AMPH: variants seen among roughly 807,000 people sequenced by gnomAD.
AMPH encodes the protein amphiphysin.
A neutral mutation model predicts 99.1 loss-of-function variants in AMPH; 49 were observed. The ratio of observed to expected loss-of-function variants is 0.49; its 90% CI spans 0.39 to 0.63. AMPH has a LOEUF of 0.63. Among genes scored for constraint, AMPH ranks in the 20% least tolerant of loss-of-function variants. AMPH has a pLI of 0.00. For missense variants in AMPH, 759 were observed against 863.4 expected (o/e 0.88, Z 1.52); for synonymous variants, 314 against 317.3 (o/e 0.99, Z 0.11).
chr7:38,445,010 T>TATATATATATATATATATATACACACAC lies in AMPH; in HGVS notation c.1018-8623_1018-8622insGTGTGTGTATATATATATATATATATAT, dbSNP rs1458295332. On this transcript the variant is annotated intron_variant, in intron 11 of 20. Coordinates refer to ENST00000356264, the MANE Select transcript of AMPH (RefSeq NM_001635.4). Reference sequence around the variant, plus strand: ...ATATACATATATATATATATATATATACACACACACACACGGTATATACAT... The same window carrying TATATATATATATATATATATACACACAC: ...ATATACATATATATATATATATATATATATATATATATATATATATACACACACACACACACACACACGGTATATACAT... Among the ~76,000 whole-genome samples the TATATATATATATATATATATACACACAC allele has an allele frequency of 1.2e-3, 154 of 125,858 alleles. 1 individual carries two copies. The East Asian group carries it at 0.019, about 16-fold the overall frequency. The allele number at this position is 125,858 out of a possible 152,430, so 82.6% of individuals were successfully genotyped here.
chr7:38,628,502 C>T (rs1794336055), intron 1 of AMPH, among the ~76,000 whole-genome samples: 1 of 152,090 alleles, frequency 6.6e-6, no homozygotes, highest in Non-Finnish European at 1.5e-5. Context: ...AATGAATATT[C>T]AAAAGATAAG....
In AMPH at chr7:38,434,611, C is replaced by T. The variant is rs573644736; in HGVS notation, c.1134+1661G>A. On this transcript the variant is annotated intron_variant, in intron 12 of 20. Coordinates refer to ENST00000356264, the MANE Select transcript of AMPH (RefSeq NM_001635.4). ...AAAATTAGCCAGTCGTGGTGGCAGGCGCCTGTAGTCCCAACTACTCGGGAG... is the reference window on the plus strand; with the variant it reads ...AAAATTAGCCAGTCGTGGTGGCAGGTGCCTGTAGTCCCAACTACTCGGGAG... Among the ~76,000 whole-genome samples the T allele has an allele frequency of 1.2e-4, 18 of 152,088 alleles. No individual in the cohort carries two copies. The East Asian group carries it at 2.5e-3, about 21-fold the overall frequency.
chr7:38,557,682 T>C (rs1385688199), intron 1 of AMPH, among the ~76,000 whole-genome samples: 1 of 152,210 alleles, frequency 6.6e-6, no homozygotes, highest in Non-Finnish European at 1.5e-5. Flanking sequence ...CAGGCCCTGC[T>C]GTAATCTCTG....
intron 2 of AMPH, among the ~76,000 whole-genome samples, chr7:38,524,328 G>A (rs192957250): frequency 8.7e-4 from 132 of 152,194 alleles, no homozygotes; most frequent in African/African-American, 3.1e-3. Context: ...TGACAATTAG[G>A]GGCAACAGGT....
intron 3 of AMPH, among the ~76,000 whole-genome samples, chr7:38,496,842 A>G (rs3807415): frequency 0.62 from 93,912 of 151,986 alleles, 29,705 homozygotes; most frequent in African/African-American, 0.74. Flanking sequence ...ACTATACACA[A>G]CTGTGTAGAT....
intron 14 of AMPH, chr7:38,428,567 CA>C (rs1366635821): frequency 2.2e-6 from 1 of 456,624 alleles, no homozygotes; most frequent in Non-Finnish European, 4.4e-6. Context: ...GGTAAAATAT[CA>C]TATCATGGTT....
At chr7:38,525,273 T>TAGAGAGAG (rs1360827159) in intron 2 of AMPH, among the ~76,000 whole-genome samples, 33 of 83,342 alleles carry the variant, frequency 4.0e-4, no homozygotes, top group Non-Finnish European at 6.8e-4. Flanking sequence ...TATATATATA[T>TAGAGAGAG]ATATAGAGAG....
chr7:38,398,054 G>A (rs564747374), intron 17 of AMPH, among the ~76,000 whole-genome samples: 3 of 151,264 alleles, frequency 2.0e-5, no homozygotes, highest in African/African-American at 7.3e-5. Flanking sequence ...ATATACTGTT[G>A]GTGGAAATGT....
intron 1 of AMPH, among the ~76,000 whole-genome samples, chr7:38,584,171 C>T (rs1056398106): frequency 2.0e-5 from 3 of 152,142 alleles, no homozygotes; most frequent in African/African-American, 7.2e-5. Flanking sequence ...CTTATTGCAG[C>T]ATTTCAGGCT....
chr7:38,464,009 T>A (rs1475984923), intron 9 of AMPH: 2 of 1,237,632 alleles, frequency 1.6e-6, no homozygotes, highest in African/African-American at 3.1e-5. Context: ...ATGATTGGGG[T>A]CATATGCCAG....
chr7:38,394,007 G>A lies in AMPH; in HGVS notation c.1606C>T (p.Gln536Ter), dbSNP rs965020082. 1 of 1,614,054 alleles carries A rather than the reference G, an allele frequency of 6.2e-7. No homozygotes were observed. Among genetic ancestry groups the A allele is most frequent in the Non-Finnish European group, 8.5e-7 (1 of 1,180,018 alleles). ...TGGCTGCGACATGGGACACTCACCTGAGGCACTGTTGCTTCGAGCTCCTCT... is the reference window on the plus strand; with the variant it reads ...TGGCTGCGACATGGGACACTCACCTAAGGCACTGTTGCTTCGAGCTCCTCT... Reference protein sequence around the residue: ...EAEELEATVPQEKVIPSVVIE... With the variant: ...EAEELEATVP The change falls in exon 18 of 21, where the codon CAG becomes TAG. Residue 536 changes from glutamine to a stop codon, truncating the protein, a stop_gained and splice_region_variant. Coordinates refer to ENST00000356264, the MANE Select transcript of AMPH (RefSeq NM_001635.4). LOFTEE classifies it high-confidence loss of function.
Position 38,570,839 on chromosome 7 carries a change from G to A in AMPH, c.70-35828C>T, listed in dbSNP as rs956898604. ...TGAAAACCTTCCAGTAGGACAAGGCGTGGAGGTGGAAGACAGTGATACTGG... is the reference window on the plus strand; with the variant it reads ...TGAAAACCTTCCAGTAGGACAAGGCATGGAGGTGGAAGACAGTGATACTGG... On this transcript the variant is annotated intron_variant, in intron 1 of 20. Transcript: ENST00000356264. 4.3e-5 allele frequency among the ~76,000 whole-genome samples: 6 copies of A among 140,022 alleles called. No individual in the cohort carries two copies. The South Asian group carries it at 6.8e-4, about 16-fold the overall frequency. 91.9% of individuals were successfully genotyped at this position (140,022 alleles called of 152,430 possible).
intron 2 of AMPH, among the ~76,000 whole-genome samples, chr7:38,520,052 T>G (rs914742298): frequency 6.6e-6 from 1 of 152,178 alleles, no homozygotes; most frequent in East Asian, 1.9e-4. Flanking sequence ...CTATTATAAC[T>G]CCTTTGCCTT....
chr7:38,527,961 GCT>G (rs1790251894), intron 2 of AMPH, among the ~76,000 whole-genome samples: 1 of 152,092 alleles, frequency 6.6e-6, no homozygotes, highest in Non-Finnish European at 1.5e-5. Context: ...TGGAGTGGGT[GCT>G]GAATTTTGTC....
At chr7:38,450,060 G>A (rs949468408) in intron 11 of AMPH, among the ~76,000 whole-genome samples, 2 of 152,190 alleles carry the variant, frequency 1.3e-5, no homozygotes, top group Non-Finnish European at 2.9e-5. Context: ...GGGTAGAAAA[G>A]CCAATGGTGC....
chr7:38,504,073 A>G (rs1210149347), intron 2 of AMPH, among the ~76,000 whole-genome samples: 1 of 152,346 alleles, frequency 6.6e-6, no homozygotes, highest in East Asian at 1.9e-4. Flanking sequence ...AGTACTTGCA[A>G]TTGAGATGTA....
At chr7:38,550,613 G>A (rs1791147616) in intron 1 of AMPH, among the ~76,000 whole-genome samples, 1 of 152,158 alleles carries the variant, frequency 6.6e-6, no homozygotes, top group Admixed American at 6.5e-5. Context: ...GCGTAGTGGT[G>A]ATGTCTGGGC....
intron 2 of AMPH, among the ~76,000 whole-genome samples, chr7:38,522,831 C>G (rs1473664765): frequency 6.6e-6 from 1 of 152,120 alleles, no homozygotes; most frequent in African/African-American, 2.4e-5. Flanking sequence ...AAGGCCCAGC[C>G]AGGCGTGGTG....
At chr7:38,441,750 C>G (rs974885348) in intron 11 of AMPH, among the ~76,000 whole-genome samples, 26 of 101,948 alleles carry the variant, frequency 2.6e-4, no homozygotes, top group Admixed American at 5.5e-4. Context: ...ACAGATATAT[C>G]ATATATATAT....
Sources: gnomAD v4.1 joint callset for allele counts (sites outside exome capture counted in the v4.1 genomes callset) on GRCh38, gnomAD v4.1.1 for gene constraint, MANE v1.5 for transcripts, NCBI Gene and HGNC (gene_info 2026-07-23, HGNC 2026-07-21) for gene names.